Variants in NUP188 observed in about 807,000 individuals in gnomAD.
NUP188 encodes the protein nucleoporin 188, also known as nucleoporin NUP188.
NUP188 carries 97 observed loss-of-function variants against 223.0 expected under a neutral mutation model. The ratio of observed to expected loss-of-function variants is 0.43; its 90% CI spans 0.37 to 0.51. NUP188 has a LOEUF of 0.51. Among genes scored for constraint, NUP188 ranks in the 20% least tolerant of loss-of-function variants. The pLI, the probability that NUP188 is intolerant of heterozygous loss-of-function variation, is 0.00. For synonymous variants in NUP188, 869 were observed against 828.0 expected, an observed-to-expected ratio of 1.05 and a Z score of -0.85; for missense variants, 1,947 against 2,175.6, an observed-to-expected ratio of 0.89 and a Z score of 2.09.
intron 12 of NUP188, 111 bp downstream of exon 12, chr9:128,973,360 T>C: frequency 3.0e-6 from 2 of 675,236 alleles, no homozygotes; most frequent in Non-Finnish European, 5.0e-6. Flanking sequence ...TTAATTTGTT[T>C]ACTGGCACTC....
intron 8 of NUP188, among the ~76,000 whole-genome samples, chr9:128,967,141 G>A (rs1361286227): frequency 6.6e-6 from 1 of 152,018 alleles, no homozygotes; most frequent in Non-Finnish European, 1.5e-5. Flanking sequence ...CAGTGTAGCT[G>A]GGACTACAGG....
Position 129,001,929 on chromosome 9 carries a change from T to C in NUP188, c.4090T>C (p.Leu1364=), listed in dbSNP as rs538421260. The change falls in exon 36 of 44, where the codon TTG becomes CTG. Residue 1364 remains leucine (L), a synonymous_variant. Coordinates refer to ENST00000372577, the MANE Select transcript of NUP188 (RefSeq NM_015354.3). Reference sequence around the variant, plus strand: ...AGCTGGCATCACCCAGAGCATTTGTTTGCCCCTTCTGAGTGTGTACCAGCT... The same window carrying C: ...AGCTGGCATCACCCAGAGCATTTGTCTGCCCCTTCTGAGTGTGTACCAGCT... ...AGAGITQSIC[L]PLLSVYQLST... is the part of the protein sequence containing the mutation. 1.2e-6 allele frequency: 2 copies of C among 1,614,190 alleles called. No homozygotes were observed. The highest frequency in any genetic ancestry group is 2.2e-5 in the South Asian group (2 of 91,092).
rs1256644291 is a variant in NUP188, at chr9:128,999,921, G to A, written c.3843+116G>A. On this transcript the variant is annotated intron_variant, in intron 34 of 43. Transcript: ENST00000372577. Reference sequence around the variant, plus strand: ...AGTCGCTGCACTTCTGGAGTTCACGGCCTGGTGGGAAAGGTTAATAGATCA... The same window carrying A: ...AGTCGCTGCACTTCTGGAGTTCACGACCTGGTGGGAAAGGTTAATAGATCA... 4.1e-6 allele frequency: 4 copies of A among 969,214 alleles called. No homozygotes were observed. The East Asian group carries it at 7.8e-5, about 19-fold the overall frequency. The allele number at this position is 969,214 out of a possible 1,614,324, so 60.0% of individuals were successfully genotyped here.
intron 3 of NUP188, among the ~76,000 whole-genome samples, chr9:128,953,345 T>C (rs1404161588): frequency 1.3e-5 from 2 of 152,226 alleles, no homozygotes; most frequent in Non-Finnish European, 2.9e-5. Context: ...GTGGAAAACA[T>C]AGTAATAAAA....
chr9:128,967,221 A>G (rs773570678), intron 8 of NUP188, among the ~76,000 whole-genome samples: 2 of 152,068 alleles, frequency 1.3e-5, no homozygotes, highest in African/African-American at 4.8e-5. Context: ...TGTTTCCCAG[A>G]CTAGTCTTGA....
Position 129,005,665 on chromosome 9 carries a change from C to T in NUP188, c.4758C>T (p.Tyr1586=), listed in dbSNP as rs763265919. 1 of 1,613,908 alleles carries T rather than the reference C, an allele frequency of 6.2e-7. No individual in the cohort carries two copies. Residue 1586 remains tyrosine, a synonymous_variant, in exon 41 of 44, where the codon TAC becomes TAT. Transcript: ENST00000372577. ...CGCAGTCCCTGGACCTTGCTGAATA[C>T]AACTTCCTGTTTGCCCTGAGCTTTA... is the stretch of plus-strand genomic sequence containing the variant. The part of the protein sequence containing the change: ...LLDQSLDLAE[Y]NFLFALSFTT...
intron 34 of NUP188, among the ~76,000 whole-genome samples, chr9:129,001,184 G>A (rs1842656771): frequency 6.6e-6 from 1 of 152,124 alleles, no homozygotes; most frequent in Non-Finnish European, 1.5e-5. Context: ...CAGGGTCGTA[G>A]GGGTCCCTCA....
intron 8 of NUP188, among the ~76,000 whole-genome samples, chr9:128,959,987 T>C (rs1280698777): frequency 6.6e-6 from 1 of 152,024 alleles, no homozygotes; most frequent in Non-Finnish European, 1.5e-5. Flanking sequence ...TAGTGGTTAA[T>C]AGAATTCTGA....
chr9:128,987,650 A>T lies in NUP188; in HGVS notation c.2326A>T (p.Thr776Ser), dbSNP rs150761831. ...CCTGGCATACACAGAAGCAGGACAGACAGTTATCAATATCATGGGCATTGG... is the reference window on the plus strand; with the variant it reads ...CCTGGCATACACAGAAGCAGGACAGTCAGTTATCAATATCATGGGCATTGG... ...CSLAYTEAGQ[T>S]VINIMGIGVD... The change falls in exon 23 of 44, where the codon ACA (threonine) becomes TCA (serine). Residue 776 changes from threonine (T) to serine (S), a missense_variant. Physicochemically the swap from Thr to Ser is moderately conservative, Grantham distance 58 (BLOSUM62 1). Transcript: ENST00000372577. The T allele has an allele frequency of 1.2e-4, 187 of 1,614,092 alleles. No homozygotes were observed. The highest frequency in any genetic ancestry group is 1.7e-4 in the Middle Eastern group (1 of 6,060).
At chr9:128,978,965 C>T (rs775345048) in intron 12 of NUP188, among the ~76,000 whole-genome samples, 60 of 152,326 alleles carry the variant, frequency 3.9e-4, no homozygotes, top group Non-Finnish European at 7.5e-4. Context: ...CCGGCCTTGC[C>T]TCCCAAAGTG....
chr9:128,958,908 G>C lies in NUP188; in HGVS notation c.465+14G>C. ...CACCCCTATAGGGTAAGCTTGTTTAGTCCTCTTGCTTCTCTTTATACTGTA... is the reference window on the plus strand; with the variant it reads ...CACCCCTATAGGGTAAGCTTGTTTACTCCTCTTGCTTCTCTTTATACTGTA... On this transcript the variant is annotated intron_variant, in intron 7 of 43. Coordinates refer to ENST00000372577, the MANE Select transcript of NUP188 (RefSeq NM_015354.3). 1 of 1,533,568 alleles carries C rather than the reference G, an allele frequency of 6.5e-7. No homozygotes were observed. The allele number at this position is 1,533,568 out of a possible 1,614,324, so 95.0% of individuals were successfully genotyped here. A position where few individuals can be genotyped will look rare whatever the true frequency, so the allele number is the denominator to read the frequency against.
rs754686598 is a variant in NUP188 at position 128,987,758 on chromosome 9, G to T, written c.2393+41G>T. 76 of 1,592,138 alleles carry T rather than the reference G, an allele frequency of 4.8e-5. No individual in the cohort carries two copies. The South Asian group carries it at 8.6e-4, about 18-fold the overall frequency. ...CACGTTCCCTTTGTCTGTCTTTATTGTGCCTGCATGTTACTAATAACTCCA... is the reference window on the plus strand; with the variant it reads ...CACGTTCCCTTTGTCTGTCTTTATTTTGCCTGCATGTTACTAATAACTCCA... On this transcript the variant is annotated intron_variant, in intron 23 of 43. Coordinates refer to ENST00000372577, the MANE Select transcript of NUP188 (RefSeq NM_015354.3).
intron 20 of NUP188, among the ~76,000 whole-genome samples, chr9:128,985,591 A>T (rs1588283420): frequency 1.3e-5 from 2 of 152,238 alleles, no homozygotes; most frequent in East Asian, 3.8e-4. Context: ...TTGACAGCTT[A>T]CTAGCTGCAT....
Position 128,986,847 on chromosome 9 carries a change from C to G in NUP188, c.2236C>G (p.Leu746Val). ...ILELIHAILN[L>V]CHETDLHSSH... ...GGAGCTGATTCATGCGATACTGAAC[C>G]TGTGCCACGAGACAGACCTGCACAG... Residue 746 changes from leucine (L) to valine (V), a missense_variant, in exon 22 of 44, where the codon CTG (leucine) becomes GTG (valine). Physicochemically the swap from Leu to Val is conservative, Grantham distance 32. Transcript: ENST00000372577. 6.2e-7 allele frequency: 1 copy of G among 1,614,124 alleles called. No homozygotes were observed. The highest frequency in any genetic ancestry group is 8.5e-7 in the Non-Finnish European group (1 of 1,180,002).
chr9:128,980,065 T>C (rs1311531376), intron 13 of NUP188, among the ~76,000 whole-genome samples: 3 of 152,172 alleles, frequency 2.0e-5, no homozygotes, highest in African/African-American at 7.2e-5. Flanking sequence ...CTAGTTAGAG[T>C]GAGAATTTGG....
At chr9:128,991,514 CAG>C (rs199765981) in intron 25 of NUP188, among the ~76,000 whole-genome samples, 6,407 of 151,702 alleles carry the variant, frequency 0.042, 198 homozygotes, top group Non-Finnish European at 0.066. Flanking sequence ...GCCTGGGCGA[CAG>C]AGTGAGACAC....
chr9:128,990,297 T>C, intron 25 of NUP188, 71 bp downstream of exon 25: 1 of 1,214,420 alleles, frequency 8.2e-7, no homozygotes, highest in South Asian at 1.2e-5. Context: ...ACAAAAGACA[T>C]GCTCAGGCCA....
chr9:128,967,949 AC>A (rs1017032430), intron 8 of NUP188, among the ~76,000 whole-genome samples: 2 of 151,746 alleles, frequency 1.3e-5, no homozygotes, highest in African/African-American at 4.8e-5. Flanking sequence ...ACAGAGCGAG[AC>A]CCTCTCTCAA....
intron 8 of NUP188, among the ~76,000 whole-genome samples, chr9:128,967,303 C>A (rs1299878192): frequency 2.6e-5 from 4 of 152,164 alleles, no homozygotes; most frequent in African/African-American, 4.8e-5. Flanking sequence ...TAGACGTGAG[C>A]CACCCTGCTA....
Sources: allele counts gnomAD v4.1 joint callset (sites outside exome capture counted in the v4.1 genomes callset), GRCh38; gene constraint gnomAD v4.1.1; transcripts MANE v1.5; gene names NCBI Gene and HGNC (gene_info 2026-07-23, HGNC 2026-07-21).